The following CCDC149 variants were observed in gnomAD, a reference collection of about 807,000 sequenced individuals.
CCDC149 encodes the protein coiled-coil domain containing 149.
Under a neutral mutation model 59.9 loss-of-function variants are expected in CCDC149, and 45 were observed. The ratio of observed to expected loss-of-function variants is 0.75; its 90% CI spans 0.59 to 0.96. CCDC149 has a LOEUF of 0.96. CCDC149 is among the 40% of genes least tolerant of loss of function. CCDC149 has a pLI of 0.00. For synonymous variants in CCDC149, 245 were observed against 260.6 expected, an observed-to-expected ratio of 0.94 and a Z score of 0.58; for missense variants, 584 against 664.7, an observed-to-expected ratio of 0.88 and a Z score of 1.33.
intron 1 of CCDC149, among the ~76,000 whole-genome samples, chr4:24,888,791 G>A (rs529203046): frequency 2.6e-5 from 4 of 152,180 alleles, no homozygotes; most frequent in African/African-American, 7.2e-5. Context: ...TCCTCCAATT[G>A]CAAGACTCCC....
At position 24,874,244 on chromosome 4, in the gene CCDC149, G is replaced by GTTTTTTT. The variant is rs5856868; in HGVS notation, c.226-532_226-526dup. On this transcript the variant is annotated intron_variant, in intron 2 of 12. Transcript: ENST00000635206. ...GAGAACTTCTAGTCCTATTAGATTT[G>GTTTTTTT]TTTTTTTTTTTTTTTGTTTTGTTTT... is the stretch of plus-strand genomic sequence containing the variant. 6.5e-4 allele frequency among the ~76,000 whole-genome samples: 57 copies of GTTTTTTT among 87,480 alleles called. 8 individuals are homozygous for GTTTTTTT. Among genetic ancestry groups the GTTTTTTT allele is most frequent in the African/African-American group, 3.0e-3 (52 of 17,166 alleles). The allele number at this position is 87,480 out of a possible 152,430, so 57.4% of individuals were successfully genotyped here. A position where few individuals can be genotyped will look rare whatever the true frequency, so the allele number is the denominator to read the frequency against.
At chr4:24,922,249 G>A (rs35772326) in intron 1 of CCDC149, among the ~76,000 whole-genome samples, 26,290 of 152,108 alleles carry the variant, frequency 0.17, 2,543 homozygotes, top group African/African-American at 0.26. Flanking sequence ...CTTTCTTTTC[G>A]ATGAGACATC....
chr4:24,858,609 G>A (rs1255242297), intron 3 of CCDC149, among the ~76,000 whole-genome samples: 1 of 152,184 alleles, frequency 6.6e-6, no homozygotes, highest in African/African-American at 2.4e-5. Context: ...AAGGCCGAAA[G>A]GATATGACAG....
intron 1 of CCDC149, among the ~76,000 whole-genome samples, chr4:24,887,920 T>C (rs1003226469): frequency 2.0e-5 from 3 of 152,166 alleles, no homozygotes; most frequent in South Asian, 2.1e-4. Context: ...CCGCCCTCCA[T>C]GTTCCTGTTC....
intron 12 of CCDC149, among the ~76,000 whole-genome samples, chr4:24,809,053 T>C (rs1714420746): frequency 6.6e-6 from 1 of 152,212 alleles, no homozygotes; most frequent in Non-Finnish European, 1.5e-5. Flanking sequence ...AAGGGAGCAC[T>C]TGGGCCATGT....
intron 1 of CCDC149, among the ~76,000 whole-genome samples, chr4:24,971,859 C>T (rs141529146): frequency 2.0e-5 from 3 of 152,316 alleles, no homozygotes; most frequent in East Asian, 3.9e-4. Context: ...TACCTAGAGG[C>T]TTCATCTGCA....
chr4:24,872,159 G>C (rs575580556), intron 3 of CCDC149, among the ~76,000 whole-genome samples: 1 of 152,306 alleles, frequency 6.6e-6, no homozygotes, highest in Non-Finnish European at 1.5e-5. Flanking sequence ...GAGCTCAAAG[G>C]AACAGAACAG....
rs10646050 is a variant in CCDC149, at chr4:24,903,024, CAAAAAAAAA to C, written c.63+9784_63+9792del. 1.3e-3 allele frequency among the ~76,000 whole-genome samples: 70 copies of C among 52,502 alleles called. No homozygotes were observed. The South Asian group carries it at 0.02, about 15-fold the overall frequency. The allele number at this position is 52,502 out of a possible 152,430, so 34.4% of individuals were successfully genotyped here. On this transcript the variant is annotated intron_variant, in intron 1 of 12. Transcript: ENST00000635206. ...TGGGCAACAGAGTGAGAGTCTAACT[CAAAAAAAAA>C]AAAAAAAAAAAAAAGAGTATTTTAA... is the stretch of plus-strand genomic sequence containing the variant.
chr4:24,946,073 C>T (rs1227259616), intron 1 of CCDC149, among the ~76,000 whole-genome samples: 1 of 152,208 alleles, frequency 6.6e-6, no homozygotes, highest in Non-Finnish European at 1.5e-5. Context: ...TCTTGAAAAA[C>T]ATACTTAACA....
downstream of CCDC149, among the ~76,000 whole-genome samples, chr4:24,803,811 A>G (rs373170964): frequency 7.9e-5 from 12 of 152,206 alleles, no homozygotes; most frequent in Admixed American, 3.3e-4. The surrounding 1 kb of genome is among the most constrained non-coding windows in gnomAD (Gnocchi z 4.3). Flanking sequence ...AAAAATTCTC[A>G]TTTAGTAAAG....
rs537768225 is a variant in CCDC149, at chr4:24,975,624, G to C, written c.-65+4445C>G. Among the ~76,000 whole-genome samples, 196 of 151,720 alleles carry C rather than the reference G, an allele frequency of 1.3e-3. 2 individuals carry two copies. The highest frequency in any genetic ancestry group is 4.6e-3 in the African/African-American group (189 of 41,340). ...AGAGGAAGCATACGTCCTGGGGAAGGAGCTCATTGATGGGGCTTGGGTCCA... is the reference window on the plus strand; with the variant it reads ...AGAGGAAGCATACGTCCTGGGGAAGCAGCTCATTGATGGGGCTTGGGTCCA... On this transcript the variant is annotated intron_variant, in intron 1 of 12. Coordinates refer to the CCDC149 transcript ENST00000389609.
chr4:24,931,576 G>A (rs1198404912), intron 1 of CCDC149, among the ~76,000 whole-genome samples: 1 of 151,170 alleles, frequency 6.6e-6, no homozygotes, highest in Admixed American at 6.6e-5. Context: ...GAAGAGAAGA[G>A]AGGCCAAATG....
At chr4:24,914,341 T>G (rs565862146), upstream of CCDC149, among the ~76,000 whole-genome samples, 118 of 147,402 alleles carry the variant, frequency 8.0e-4, no homozygotes, top group African/African-American at 2.9e-3. Flanking sequence ...TGCTCAGTCA[T>G]GTAACTTGCT....
intron 1 of CCDC149, among the ~76,000 whole-genome samples, chr4:24,885,668 G>T (rs1480471980): frequency 6.6e-6 from 1 of 152,214 alleles, no homozygotes; most frequent in Non-Finnish European, 1.5e-5. Context: ...TGGTCACTAG[G>T]AGGGGCCAAG....
chr4:24,928,845 G>A (rs1356583096), intron 1 of CCDC149, among the ~76,000 whole-genome samples: 3 of 152,132 alleles, frequency 2.0e-5, no homozygotes. Flanking sequence ...GGTCAGGAAG[G>A]CAAAGAACAA....
intron 3 of CCDC149, among the ~76,000 whole-genome samples, chr4:24,869,408 C>T (rs1031356540): frequency 5.2e-4 from 79 of 152,164 alleles, no homozygotes; most frequent in African/African-American, 1.9e-3. Flanking sequence ...GGCCCAGCTG[C>T]ACTTCTGTCT....
intron 1 of CCDC149, among the ~76,000 whole-genome samples, chr4:24,942,615 T>C (rs1722985171): frequency 6.6e-6 from 1 of 152,202 alleles, no homozygotes; most frequent in South Asian, 2.1e-4. Context: ...TTGTCCCTGT[T>C]TGCAGATGAC....
intron 12 of CCDC149, among the ~76,000 whole-genome samples, chr4:24,816,453 G>A (rs1208440485): frequency 6.6e-6 from 1 of 152,010 alleles, no homozygotes; most frequent in African/African-American, 2.4e-5. Context: ...GACAAAAAAA[G>A]GTTACTAAAA....
In CCDC149 at chr4:24,918,197, C is replaced by T. The variant is rs1318657103; in HGVS notation, c.-64-23079G>A. Among the ~76,000 whole-genome samples the T allele has an allele frequency of 3.9e-5, 6 of 152,274 alleles. No homozygotes were observed. In the South Asian group the frequency reaches 6.2e-4, roughly 16 times the overall value. On this transcript the variant is annotated intron_variant, in intron 1 of 12. Coordinates refer to the CCDC149 transcript ENST00000389609. ...GAGAATAAACATGATCAAGGACCTA[C>T]TGTGTACACAGAAATTGCTAGTGAA... is the stretch of plus-strand genomic sequence containing the variant.
Sources: allele counts gnomAD v4.1 joint callset (sites outside exome capture counted in the v4.1 genomes callset), GRCh38; gene constraint gnomAD v4.1.1; non-coding constraint Gnocchi (gnomAD v3.1); transcripts MANE v1.5; gene names NCBI Gene and HGNC (gene_info 2026-07-23, HGNC 2026-07-21).